Variants in ZFAT observed in about 807,000 individuals in gnomAD.
ZFAT encodes the protein zinc finger protein ZFAT.
In ZFAT, 64 loss-of-function variants were observed where a neutral mutation model predicts 117.7. The ratio of observed to expected loss-of-function variants is 0.54; its 90% CI spans 0.44 to 0.67. ZFAT has a LOEUF of 0.67. Ranked by LOEUF, ZFAT falls within the 30% of genes least tolerant of loss-of-function variation. ZFAT has a pLI of 0.00. For synonymous variants in ZFAT, 679 were observed against 615.0 expected, an observed-to-expected ratio of 1.10 and a Z score of -1.54; for missense variants, 1,433 against 1,584.5, an observed-to-expected ratio of 0.90 and a Z score of 1.62.
the ZFAT span, among the ~76,000 whole-genome samples, chr8:134,726,131 G>A: frequency 2.0e-5 from 3 of 152,002 alleles, no homozygotes; most frequent in Admixed American, 6.6e-5. Context: ...CCGCAGCAAC[G>A]TGATTCTTGC....
At chr8:134,584,645 G>C (rs1029473582) in intron 9 of ZFAT, among the ~76,000 whole-genome samples, 3 of 152,178 alleles carry the variant, frequency 2.0e-5, no homozygotes, top group Admixed American at 6.5e-5. Flanking sequence ...CATTCACTAA[G>C]TGTCTACTGA....
chr8:134,526,560 A>C (rs1330897372), intron 12 of ZFAT, among the ~76,000 whole-genome samples: 1 of 152,256 alleles, frequency 6.6e-6, no homozygotes, highest in Admixed American at 6.5e-5. Context: ...AGAAATTTAA[A>C]AAAACTGATG....
chr8:134,609,453 GCAGA>G (rs903763518), intron 4 of ZFAT, among the ~76,000 whole-genome samples: 1 of 152,096 alleles, frequency 6.6e-6, no homozygotes, highest in Non-Finnish European at 1.5e-5. Context: ...AGTGAGTAGG[GCAGA>G]CAAAGTGACT....
At chr8:134,586,104 T>C (rs1826050098) in intron 9 of ZFAT, among the ~76,000 whole-genome samples, 1 of 152,244 alleles carries the variant, frequency 6.6e-6, no homozygotes. Context: ...ATGGTGTGTG[T>C]ACTGATATCC....
At position 134,637,703 on chromosome 8, in the gene ZFAT, A is replaced by T. The variant is rs762107683; in HGVS notation, c.206T>A (p.Val69Asp). 4.3e-6 allele frequency: 7 copies of T among 1,613,586 alleles called. No individual in the cohort carries two copies. In the African/African-American group the frequency reaches 8.0e-5, roughly 18 times the overall value. Residue 69 changes from valine (V) to aspartate (D), a missense_variant, in exon 3 of 16, where the codon GTC becomes GAC. Val to Asp is a radical substitution (Grantham distance 152, BLOSUM62 -3). Coordinates refer to ENST00000377838, the MANE Select transcript of ZFAT (RefSeq NM_020863.4). ...AGGCCTGCCTCTCTTCCTCTTCATG[A>T]CCAAAAACTCTACAGAGGAAACAAG... is the stretch of plus-strand genomic sequence containing the variant. ...NSSKTGDEFL[V>D]MKRKRGRPKG...
chr8:134,532,001 G>T (rs1370338867), intron 12 of ZFAT, among the ~76,000 whole-genome samples: 1 of 152,224 alleles, frequency 6.6e-6, no homozygotes, highest in African/African-American at 2.4e-5. Context: ...TAGGAAAGAA[G>T]AGCAGCTAAC....
intron 1 of ZFAT, among the ~76,000 whole-genome samples, chr8:134,703,576 G>C (rs1183139018): frequency 6.6e-6 from 1 of 152,218 alleles, no homozygotes; most frequent in African/African-American, 2.4e-5. Context: ...GCACTAGGGA[G>C]AGATTGAGTG....
At chr8:134,814,733 A>C in the ZFAT span, among the ~76,000 whole-genome samples, 1 of 152,256 alleles carries the variant, frequency 6.6e-6, no homozygotes, top group African/African-American at 2.4e-5. Flanking sequence ...CAACTTGTGT[A>C]GCAACTGTGT....
intron 3 of ZFAT, among the ~76,000 whole-genome samples, chr8:134,620,000 C>T (rs750381164): frequency 1.3e-5 from 2 of 152,116 alleles, no homozygotes; most frequent in African/African-American, 2.4e-5. Flanking sequence ...AGGAACCAGC[C>T]GAACAGCTGG....
chr8:134,519,360 C>T (rs1820475403), intron 13 of ZFAT, among the ~76,000 whole-genome samples: 1 of 152,014 alleles, frequency 6.6e-6, no homozygotes, highest in Non-Finnish European at 1.5e-5. Flanking sequence ...AAGGTTTATG[C>T]CTAGATTTAT....
chr8:134,805,275 T>G, the ZFAT span, among the ~76,000 whole-genome samples: 1 of 148,902 alleles, frequency 6.7e-6, no homozygotes, highest in Admixed American at 6.7e-5. Flanking sequence ...AGTTTCAAAA[T>G]AGTAAACACA....
chr8:134,645,127 A>G (rs1830807556), intron 2 of ZFAT, among the ~76,000 whole-genome samples: 1 of 152,244 alleles, frequency 6.6e-6, no homozygotes, highest in Non-Finnish European at 1.5e-5. Context: ...CACTTCCTAC[A>G]TGAGCAAAAA....
At chr8:134,528,279 T>C (rs1027254587) in intron 12 of ZFAT, among the ~76,000 whole-genome samples, 1 of 152,248 alleles carries the variant, frequency 6.6e-6, no homozygotes, top group African/African-American at 2.4e-5. Context: ...GGAACGATTA[T>C]GCCAAGCTCA....
chr8:134,680,135 G>A (rs1234389490), intron 1 of ZFAT, among the ~76,000 whole-genome samples: 1 of 151,654 alleles, frequency 6.6e-6, no homozygotes, highest in Non-Finnish European at 1.5e-5. Flanking sequence ...GGTGTTGCAT[G>A]CCTACAGTCC....
intron 1 of ZFAT, among the ~76,000 whole-genome samples, chr8:134,695,777 G>A (rs1833804426): frequency 7.2e-6 from 1 of 139,120 alleles, no homozygotes; most frequent in African/African-American, 2.7e-5. Flanking sequence ...CTAGGCCTCG[G>A]CCATCTCTAA....
the ZFAT span, among the ~76,000 whole-genome samples, chr8:134,767,667 T>A: frequency 1.3e-5 from 2 of 152,180 alleles, no homozygotes; most frequent in Non-Finnish European, 2.9e-5. Context: ...TGAGATGCTG[T>A]CTCTACAAAA....
intron 1 of ZFAT, among the ~76,000 whole-genome samples, chr8:134,712,484 G>A (rs1435379195): frequency 6.7e-6 from 1 of 148,198 alleles, no homozygotes; most frequent in Non-Finnish European, 1.5e-5. Context: ...AGGAAGCCCC[G>A]CCAAGGTCCA....
At chr8:134,769,010 A>C in the ZFAT span, among the ~76,000 whole-genome samples, 1 of 152,066 alleles carries the variant, frequency 6.6e-6, no homozygotes, top group Admixed American at 6.6e-5. Flanking sequence ...CCATCTCTAC[A>C]AAAATACAAA....
At chr8:134,820,432 G>A in the ZFAT span, among the ~76,000 whole-genome samples, 1 of 152,232 alleles carries the variant, frequency 6.6e-6, no homozygotes, top group East Asian at 1.9e-4. Context: ...TCATCATACA[G>A]CACCTTGAGT....
Sources: allele counts gnomAD v4.1 joint callset (sites outside exome capture counted in the v4.1 genomes callset), GRCh38; gene constraint gnomAD v4.1.1; transcripts MANE v1.5; gene names NCBI Gene and HGNC (gene_info 2026-07-23, HGNC 2026-07-21).